PLCB1: variants seen among roughly 807,000 people sequenced by gnomAD.
PLCB1 encodes 1-phosphatidylinositol 4,5-bisphosphate phosphodiesterase beta-1.
PLCB1 carries 46 observed loss-of-function variants against 161.8 expected under a neutral mutation model. That is an observed-to-expected ratio of 0.28 (90% CI 0.22 to 0.36). PLCB1 has a LOEUF of 0.36. PLCB1 is among the 10% of genes least tolerant of loss of function. The probability of loss-of-function intolerance (pLI) is 1.00; values close to 1 mark genes in which losing one functional copy is unlikely to be tolerated. For missense variants in PLCB1, 1,016 were observed against 1,472.5 expected (o/e 0.69, Z 5.07); for synonymous variants, 517 against 503.7 (o/e 1.03, Z -0.35).
chr20:8,156,858 G>A (rs2051568390), intron 2 of PLCB1, among the ~76,000 whole-genome samples: 3 of 152,156 alleles, frequency 2.0e-5, no homozygotes, highest in Non-Finnish European at 4.4e-5. Flanking sequence ...CTTTGTGGTG[G>A]CTTTTATTAT....
chr20:8,646,348 A>G (rs974198043), intron 5 of PLCB1, among the ~76,000 whole-genome samples, 167 bp downstream of exon 5: 1 of 152,232 alleles, frequency 6.6e-6, no homozygotes, highest in African/African-American at 2.4e-5. Flanking sequence ...CAGAATTGGA[A>G]GACTTCCAAG....
intron 27 of PLCB1, among the ~76,000 whole-genome samples, chr20:8,781,404 A>G (rs956759950): frequency 9.5e-5 from 8 of 83,982 alleles, no homozygotes; most frequent in Admixed American, 8.6e-4. Context: ...ACAAACACAC[A>G]CACACACACA....
At chr20:8,838,791 A>G (rs6086627) in intron 31 of PLCB1, among the ~76,000 whole-genome samples, 33,018 of 152,202 alleles carry the variant, frequency 0.22, 4,260 homozygotes, top group Middle Eastern at 0.32. Context: ...AGTAACATGG[A>G]AAGTTTAACC....
intron 2 of PLCB1, among the ~76,000 whole-genome samples, chr20:8,340,328 A>G (rs923506160): frequency 2.0e-5 from 3 of 152,236 alleles, no homozygotes; most frequent in Non-Finnish European, 2.9e-5. Context: ...ATTTTCCAGG[A>G]TGAGGATTCG....
At chr20:8,781,280 A>C (rs1489450621) in intron 27 of PLCB1, among the ~76,000 whole-genome samples, 1 of 152,034 alleles carries the variant, frequency 6.6e-6, no homozygotes, top group African/African-American at 2.4e-5. Context: ...GCATTTTTCT[A>C]CTAAACAAGA....
At chr20:8,599,399 CTT>C (rs1307542691) in intron 3 of PLCB1, among the ~76,000 whole-genome samples, 14 of 147,272 alleles carry the variant, frequency 9.5e-5, no homozygotes, top group African/African-American at 3.6e-4. Context: ...GTTGAAAATT[CTT>C]TTCTTTAAGA....
intron 31 of PLCB1, among the ~76,000 whole-genome samples, chr20:8,867,976 A>G (rs1350660259): frequency 6.6e-6 from 1 of 152,178 alleles, no homozygotes; most frequent in Non-Finnish European, 1.5e-5. Flanking sequence ...TTATTATAGT[A>G]AATAATTATT....
intron 9 of PLCB1, among the ~76,000 whole-genome samples, chr20:8,673,113 A>AACAT (rs373154725): frequency 6.8e-6 from 1 of 146,786 alleles, no homozygotes; most frequent in African/African-American, 2.6e-5. Flanking sequence ...GTCCATCCCA[A>AACAT]AAATAAATAA....
chr20:8,357,294 C>T (rs778198117), intron 2 of PLCB1, among the ~76,000 whole-genome samples: 93 of 152,048 alleles, frequency 6.1e-4, no homozygotes, highest in Admixed American at 2.6e-3. Flanking sequence ...TGGGGCTACC[C>T]GGAATCAGCA....
intron 26 of PLCB1, among the ~76,000 whole-genome samples, chr20:8,772,790 G>T (rs145883587): frequency 6.6e-6 from 1 of 152,054 alleles, no homozygotes; most frequent in Non-Finnish European, 1.5e-5. Flanking sequence ...AAAATTAGCC[G>T]GGCATGGTGG....
intron 9 of PLCB1, among the ~76,000 whole-genome samples, chr20:8,659,796 A>C (rs1989571734): frequency 6.6e-6 from 1 of 152,112 alleles, no homozygotes; most frequent in Non-Finnish European, 1.5e-5. Context: ...GTTCAAGATC[A>C]GCCTGGCCAA....
intron 3 of PLCB1, among the ~76,000 whole-genome samples, chr20:8,477,174 C>T (rs182529515): frequency 2.6e-5 from 4 of 152,242 alleles, no homozygotes; most frequent in Admixed American, 2.6e-4. Context: ...TACAGAATCG[C>T]AGGCCCCTCC....
chr20:8,758,928 T>C (rs1445546095), intron 24 of PLCB1, among the ~76,000 whole-genome samples: 1 of 152,146 alleles, frequency 6.6e-6, no homozygotes, highest in Non-Finnish European at 1.5e-5. Context: ...ACCAGGAAAG[T>C]AACATTGGCA....
intron 26 of PLCB1, among the ~76,000 whole-genome samples, chr20:8,766,959 C>T (rs1206443490): frequency 6.6e-6 from 1 of 152,062 alleles, no homozygotes; most frequent in African/African-American, 2.4e-5. Flanking sequence ...CGCTGGTAGA[C>T]ATGGAGAGAA....
chr20:8,847,436 G>T (rs571257406), intron 31 of PLCB1, among the ~76,000 whole-genome samples: 1 of 152,298 alleles, frequency 6.6e-6, no homozygotes, highest in African/African-American at 2.4e-5. Flanking sequence ...TGACTGCAAG[G>T]TCTGCCATTA....
At chr20:8,501,520 T>C (rs1289321792) in intron 3 of PLCB1, among the ~76,000 whole-genome samples, 1 of 152,200 alleles carries the variant, frequency 6.6e-6, no homozygotes, top group Non-Finnish European at 1.5e-5. Flanking sequence ...TCCCACCTCC[T>C]GTGGCCACCT....
At chr20:8,539,637 T>TTTCC (rs745533342) in intron 3 of PLCB1, among the ~76,000 whole-genome samples, 8,749 of 90,944 alleles carry the variant, frequency 0.096, 723 homozygotes, top group South Asian at 0.16. Flanking sequence ...TCTTTCTTTC[T>TTTCC]TTCTTTCTTT....
chr20:8,527,073 T>TCA (rs1307010169), intron 3 of PLCB1, among the ~76,000 whole-genome samples: 2 of 152,142 alleles, frequency 1.3e-5, no homozygotes, highest in African/African-American at 4.8e-5. Flanking sequence ...ATCTGGGTGA[T>TCA]GCCAGACACA....
chr20:8,279,774 G>T (rs1043273037), intron 2 of PLCB1, among the ~76,000 whole-genome samples: 6 of 152,128 alleles, frequency 3.9e-5, no homozygotes, highest in Non-Finnish European at 5.9e-5. Flanking sequence ...AAAATTAATT[G>T]TATGTAAGTT....
Sources: gnomAD v4.1 joint callset for allele counts (sites outside exome capture counted in the v4.1 genomes callset) on GRCh38, gnomAD v4.1.1 for gene constraint, MANE v1.5 for transcripts, NCBI Gene and HGNC (gene_info 2026-07-23, HGNC 2026-07-21) for gene names.